The following SPATA17 variants were observed in gnomAD, a reference collection of about 807,000 sequenced individuals.
SPATA17 encodes spermatogenesis associated 17, also known as spermatogenesis-associated protein 17.
Under a neutral mutation model 62.2 loss-of-function variants are expected in SPATA17, and 53 were observed. The observed-to-expected ratio is 0.85, with a 90% CI of 0.68 to 1.07. SPATA17 has a LOEUF of 1.07. Ranked by LOEUF, SPATA17 falls within the 50% of genes least tolerant of loss-of-function variation. The pLI, the probability that SPATA17 is intolerant of heterozygous loss-of-function variation, is 0.00. For missense variants in SPATA17, 466 were observed against 425.5 expected, an observed-to-expected ratio of 1.10 and a Z score of -0.84; for synonymous variants, 146 against 146.8, an observed-to-expected ratio of 0.99 and a Z score of 0.04.
rs548045451 is a variant in SPATA17 at position 217,857,460 on chromosome 1, G to A, written c.1006-5314G>A. ...GCTGGGCATCCTAATAGCAGAAGCC[G>A]TCTGCTTTGGCAAGCAAGGGCTATG... On this transcript the variant is annotated intron_variant, in intron 9 of 10. Transcript: ENST00000366933. 1.2e-4 allele frequency among the ~76,000 whole-genome samples: 18 copies of A among 152,274 alleles called. No homozygotes were observed. In the South Asian group the frequency reaches 1.7e-3, roughly 14 times the overall value.
At chr1:217,723,587 C>T (rs1028321124) in intron 5 of SPATA17, among the ~76,000 whole-genome samples, 14 of 152,252 alleles carry the variant, frequency 9.2e-5, no homozygotes, top group Admixed American at 7.9e-4. Context: ...ACTCCTAGCA[C>T]CTACCACAGT....
At position 217,784,479 on chromosome 1, in the gene SPATA17, C is replaced by G. The variant is rs147108909; in HGVS notation, c.872+2157C>G. ...AGTAGAAGTAGTATGAACTTTGAAACTAGAGCTATATGAACTCAAATCTTA... is the reference window on the plus strand; with the variant it reads ...AGTAGAAGTAGTATGAACTTTGAAAGTAGAGCTATATGAACTCAAATCTTA... On this transcript the variant is annotated intron_variant, in intron 8 of 10. Transcript: ENST00000366933. Among the ~76,000 whole-genome samples, 37 of 152,182 alleles carry G rather than the reference C, an allele frequency of 2.4e-4. No individual in the cohort carries two copies. In the Middle Eastern group the frequency reaches 0.014, roughly 56 times the overall value.
chr1:217,790,617 T>C (rs901404470), intron 8 of SPATA17, among the ~76,000 whole-genome samples: 1 of 152,146 alleles, frequency 6.6e-6, no homozygotes, highest in Admixed American at 6.5e-5. Flanking sequence ...ATTTTTTGTA[T>C]TTTTAGTAGA....
intron 5 of SPATA17, among the ~76,000 whole-genome samples, chr1:217,706,779 C>T (rs1425675426): frequency 6.6e-6 from 1 of 152,010 alleles, no homozygotes; most frequent in Non-Finnish European, 1.5e-5. Context: ...TTTGAGCAGT[C>T]TTTTGTAATT....
At chr1:217,751,534 A>G (rs184707184) in intron 6 of SPATA17, among the ~76,000 whole-genome samples, 1 of 152,236 alleles carries the variant, frequency 6.6e-6, no homozygotes, top group African/African-American at 2.4e-5. Context: ...CTGAACTAGC[A>G]TGGAGAATGA....
At chr1:217,803,510 A>T (rs1464276697) in intron 9 of SPATA17, among the ~76,000 whole-genome samples, 1 of 152,204 alleles carries the variant, frequency 6.6e-6, no homozygotes, top group Non-Finnish European at 1.5e-5. Flanking sequence ...CCCACATAGG[A>T]ATGAATTTAA....
intron 6 of SPATA17, among the ~76,000 whole-genome samples, chr1:217,755,958 C>G (rs1273012297): frequency 2.6e-5 from 4 of 151,924 alleles, no homozygotes; most frequent in Non-Finnish European, 4.4e-5. Context: ...GAATTATTCC[C>G]TTTTCCCCCT....
rs1452173171 is a variant in SPATA17 at position 217,783,656 on chromosome 1, GCAAAGGTTTA to G, written c.872+1339_872+1348del. ...GAATTCTTTTCCTATTTCCAATGATGCAAAGGTTTACAAAATAGCATGACTAATTGCTCAA... is the reference window on the plus strand; with the variant it reads ...GAATTCTTTTCCTATTTCCAATGATGCAAAATAGCATGACTAATTGCTCAA... On this transcript the variant is annotated intron_variant, in intron 8 of 10. Coordinates refer to ENST00000366933, the MANE Select transcript of SPATA17 (RefSeq NM_138796.4). 4.6e-5 allele frequency among the ~76,000 whole-genome samples: 7 copies of G among 152,094 alleles called. No individual in the cohort carries two copies. The South Asian group carries it at 1.2e-3, about 27-fold the overall frequency.
chr1:217,751,865 T>A (rs1236120064), intron 6 of SPATA17, among the ~76,000 whole-genome samples: 5 of 152,188 alleles, frequency 3.3e-5, no homozygotes, highest in Non-Finnish European at 7.3e-5. Context: ...TATTTTTTCC[T>A]TTTAAGTGTG....
At chr1:217,747,502 A>T (rs1432307704) in intron 6 of SPATA17, among the ~76,000 whole-genome samples, 2 of 152,196 alleles carry the variant, frequency 1.3e-5, no homozygotes, top group Non-Finnish European at 2.9e-5. Context: ...GATCCAAATT[A>T]TAAAAGGTTA....
intron 9 of SPATA17, among the ~76,000 whole-genome samples, chr1:217,805,911 A>G (rs1674422013): frequency 6.6e-6 from 1 of 152,216 alleles, no homozygotes; most frequent in African/African-American, 2.4e-5. Flanking sequence ...TGTCAATTAT[A>G]CCTCAGTAAA....
chr1:217,706,336 A>G (rs1001060507), intron 5 of SPATA17, among the ~76,000 whole-genome samples: 8 of 152,122 alleles, frequency 5.3e-5, no homozygotes, highest in Non-Finnish European at 1.0e-4. Flanking sequence ...TCTATGTGGT[A>G]TGGTTTGGCT....
chr1:217,847,813 C>T (rs1476869516), intron 9 of SPATA17, among the ~76,000 whole-genome samples: 1 of 152,106 alleles, frequency 6.6e-6, no homozygotes, highest in East Asian at 1.9e-4. Context: ...CAGAGGTGAG[C>T]AGATCTCTTG....
intron 3 of SPATA17, among the ~76,000 whole-genome samples, chr1:217,660,823 T>G (rs912852946): frequency 6.6e-6 from 1 of 152,216 alleles, no homozygotes; most frequent in Non-Finnish European, 1.5e-5. Flanking sequence ...CTGCAATGGT[T>G]GTATTTTTAT....
intron 5 of SPATA17, among the ~76,000 whole-genome samples, chr1:217,693,170 C>T (rs1243696694): frequency 1.3e-5 from 2 of 151,352 alleles, no homozygotes; most frequent in Non-Finnish European, 2.9e-5. Flanking sequence ...AATTTCAGCT[C>T]CTGTTATTGG....
chr1:217,658,707 A>G (rs1216894163), intron 3 of SPATA17, among the ~76,000 whole-genome samples: 5 of 152,024 alleles, frequency 3.3e-5, no homozygotes, highest in South Asian at 2.1e-4. Flanking sequence ...GCAGTGAGCC[A>G]AGATCTCACC....
At chr1:217,673,273 A>T (rs1247797209) in intron 4 of SPATA17, among the ~76,000 whole-genome samples, 1 of 152,164 alleles carries the variant, frequency 6.6e-6, no homozygotes, top group Non-Finnish European at 1.5e-5. Context: ...GTTTGCTGTG[A>T]TATAAGCTGC....
At chr1:217,695,940 C>CT (rs1404147653) in intron 5 of SPATA17, among the ~76,000 whole-genome samples, 1 of 144,746 alleles carries the variant, frequency 6.9e-6, no homozygotes, top group East Asian at 2.1e-4. Context: ...TTACTGCTGT[C>CT]TTTTTGTTTG....
chr1:217,820,192 C>T (rs1674825187), intron 9 of SPATA17, among the ~76,000 whole-genome samples: 1 of 151,952 alleles, frequency 6.6e-6, no homozygotes. Flanking sequence ...ATAGAATATG[C>T]AGGTACCCGC....
Sources: allele counts gnomAD v4.1 joint callset (sites outside exome capture counted in the v4.1 genomes callset), GRCh38; gene constraint gnomAD v4.1.1; transcripts MANE v1.5; gene names NCBI Gene and HGNC (gene_info 2026-07-23, HGNC 2026-07-21).